RGS11: variants seen among roughly 807,000 people sequenced by gnomAD.
The protein encoded by RGS11 is regulator of G protein signaling 11.
A neutral mutation model predicts 71.1 loss-of-function variants in RGS11; 86 were observed. That is an observed-to-expected ratio of 1.21 (90% CI 1.02 to 1.45). The LOEUF (loss-of-function observed/expected upper bound fraction) is 1.45, where lower values mean the gene tolerates loss of function less well. RGS11 is among the 40% of genes most tolerant of loss of function. The probability of loss-of-function intolerance (pLI) is 0.00; values close to 1 mark genes in which losing one functional copy is unlikely to be tolerated. For synonymous variants in RGS11, 298 were observed against 254.2 expected, an observed-to-expected ratio of 1.17 and a Z score of -1.64; for missense variants, 734 against 635.1, an observed-to-expected ratio of 1.16 and a Z score of -1.67.
In RGS11 at chr16:268,699, G is replaced by A. The variant is rs1385283321; in HGVS notation, c.*570C>T. ...CAAATTCTGGAACGCGTTTGGCGAGGGAGGAATAGGCGCAGCTCCGGAAGG... is the reference window on the plus strand; with the variant it reads ...CAAATTCTGGAACGCGTTTGGCGAGAGAGGAATAGGCGCAGCTCCGGAAGG... On this transcript the variant is annotated 3_prime_UTR_variant, in exon 17 of 17. Transcript: ENST00000397770. 6.9e-7 allele frequency: 1 copy of A among 1,457,752 alleles called. No homozygotes were observed. The highest frequency in any genetic ancestry group is 9.3e-7 in the Non-Finnish European group (1 of 1,074,598). The allele number at this position is 1,457,752 out of a possible 1,614,324, so 90.3% of individuals were successfully genotyped here. A position where few individuals can be genotyped will look rare whatever the true frequency, so the allele number is the denominator to read the frequency against.
At position 271,562 on chromosome 16, in the gene RGS11, C is replaced by G; in HGVS notation, c.665G>C (p.Ser222Thr). 1 of 1,613,802 alleles carries G rather than the reference C, an allele frequency of 6.2e-7. No individual in the cohort carries two copies. The highest frequency in any genetic ancestry group is 8.5e-7 in the Non-Finnish European group (1 of 1,180,022). The change falls in exon 10 of 17, where the codon AGT becomes ACT. Residue 222 changes from serine to threonine, a missense_variant. Ser to Thr is a moderately conservative substitution (Grantham distance 58, BLOSUM62 1). Coordinates refer to ENST00000397770, the MANE Select transcript of RGS11 (RefSeq NM_183337.3). Reference protein sequence around the residue: ...CAASRVLMTKSADFHKREIEY... With the variant: ...CAASRVLMTKTADFHKREIEY... ...TACCTCCCGCTTATGGAAATCTGCA[C>G]TCTTGGTCTAGAAGGGGATAGGTGG... is the stretch of plus-strand genomic sequence containing the variant.
At chr16:271,834 T>G in intron 9 of RGS11, 1 of 553,998 alleles carries the variant, frequency 1.8e-6, no homozygotes. Context: ...ATATGTCATT[T>G]TTTTTTCTTT....
Position 272,856 on chromosome 16 carries a change from G to C in RGS11, c.657+7C>G, listed in dbSNP as rs543824763. The C allele has an allele frequency of 5.8e-6, 9 of 1,542,492 alleles. No individual in the cohort carries two copies. The Admixed American group carries it at 1.6e-4, about 27-fold the overall frequency. On this transcript the variant is annotated splice_region_variant and intron_variant, in intron 9 of 16. Coordinates refer to ENST00000397770, the MANE Select transcript of RGS11 (RefSeq NM_183337.3). ...AGAGGGCGGCCAGCACGCACGCAGG[G>C]GCTCACCATGAGCACACGGCTGGCA... is the stretch of plus-strand genomic sequence containing the variant.
chr16:269,275 CA>C lies in RGS11; in HGVS notation c.1397del (p.Val466GlyfsTer20), dbSNP rs756385518. 28 of 1,565,392 alleles carry C rather than the reference CA, an allele frequency of 1.8e-5. No individual in the cohort carries two copies. The South Asian group carries it at 2.5e-4, about 14-fold the overall frequency. On this transcript the variant is annotated frameshift_variant, in exon 17 of 17. Coordinates refer to ENST00000397770, the MANE Select transcript of RGS11 (RefSeq NM_183337.3). LOFTEE classifies it high-confidence loss of function. ...AACGPGGGDG[V>X]A ...GGCAGATGGGCCAGGTCCACTAGGC[CA>C]CCCCATCTCCACCCCCAGGGCCACA...
rs1292913501 is a variant in RGS11 at position 270,667 on chromosome 16, G to A, written c.1068-6C>T. ...CTCCGGGGGCCAGGAACTGCCTAGG[G>A]GTGGGGACAGCACTGGGTAGTCTCG... On this transcript the variant is annotated splice_region_variant and splice_polypyrimidine_tract_variant and intron_variant, in intron 14 of 16. Coordinates refer to ENST00000397770, the MANE Select transcript of RGS11 (RefSeq NM_183337.3). 1.9e-6 allele frequency: 3 copies of A among 1,610,102 alleles called. No individual in the cohort carries two copies. The highest frequency in any genetic ancestry group is 2.5e-6 in the Non-Finnish European group (3 of 1,178,966).
chr16:272,921 G>T lies in RGS11; in HGVS notation c.599C>A (p.Pro200His). The T allele has an allele frequency of 6.6e-7, 1 of 1,518,482 alleles. No homozygotes were observed. Among genetic ancestry groups the T allele is most frequent in the Non-Finnish European group, 8.9e-7 (1 of 1,128,500 alleles). The allele number at this position is 1,518,482 out of a possible 1,614,324, so 94.1% of individuals were successfully genotyped here. The change falls in exon 9 of 17, where the codon CCC becomes CAC. Residue 200 changes from proline (P) to histidine (H), a missense_variant. Pro to His is a moderately conservative substitution (Grantham distance 77). Coordinates refer to ENST00000397770, the MANE Select transcript of RGS11 (RefSeq NM_183337.3). ...WLVNRPPPGAPDVLEQGPGRG... is the reference protein window; with the variant it reads ...WLVNRPPPGAHDVLEQGPGRG... ...CCCTGGACCCTGCTCCAGCACATCG[G>T]GGGCCCCGGGCTGCGGAGGGGAGAC... is the stretch of plus-strand genomic sequence containing the variant.
At chr16:271,675 T>A in intron 9 of RGS11, 106 bp from the exon 10 acceptor site, 1 of 1,107,344 alleles carries the variant, frequency 9.0e-7, no homozygotes, top group Non-Finnish European at 1.4e-6. Flanking sequence ...CCCATAGATC[T>A]GGCAGAGATG....
At chr16:275,642 C>G (rs2052140865) in intron 1 of RGS11, 144 bp from the exon 2 acceptor site, 2 of 658,178 alleles carry the variant, frequency 3.0e-6, no homozygotes, top group East Asian at 3.7e-5. Context: ...GGCGGGGACG[C>G]GGGGCGGGCC....
intron 4 of RGS11, chr16:274,660 C>A (rs1337361518): frequency 3.0e-6 from 2 of 660,006 alleles, no homozygotes; most frequent in African/African-American, 3.5e-5. Flanking sequence ...CCTTCACAGC[C>A]CCTCCCTCAG....
intron 15 of RGS11, chr16:269,881 C>T (rs2051840992): frequency 5.6e-6 from 2 of 355,230 alleles, no homozygotes; most frequent in African/African-American, 2.1e-5. Context: ...GGAATGGCTC[C>T]GTGTGCCCCA....
rs746430045 is a variant in RGS11 at position 271,077 on chromosome 16, G to A, written c.886C>T (p.Arg296Cys). Reference protein sequence around the residue: ...APTVAAPTKLRVERWGFSFRE... With the variant: ...APTVAAPTKLCVERWGFSFRE... ...AAGCTGAAGCCCCATCTCTCCACAC[G>A]GAGCTTCGTGGGGGCAGCCACCCTG... Residue 296 changes from arginine (R) to cysteine (C), a missense_variant, in exon 13 of 17, where the codon CGT (arginine) becomes TGT (cysteine). Transcript: ENST00000397770. 2.1e-5 allele frequency: 34 copies of A among 1,612,252 alleles called. No homozygotes were observed. Among genetic ancestry groups the A allele is most frequent in the Middle Eastern group, 1.7e-4 (1 of 6,060 alleles).
intron 1 of RGS11, 43 bp downstream of exon 1, chr16:275,806 G>C: frequency 1.2e-6 from 1 of 863,546 alleles, no homozygotes. Context: ...GGCCTCGGGC[G>C]CCGGGAAATC....
chr16:275,283 C>A lies in RGS11; in HGVS notation c.211G>T (p.Glu71Ter). ...LAQKFCVSEE[E>*]ALHLGAVLVQ... Reference sequence around the variant, plus strand: ...GCCCAGTGGGAGGCAGGGCGCTCACCCTCCTCCGAGACGCAGAACTTCTGG... The same window carrying A: ...GCCCAGTGGGAGGCAGGGCGCTCACACTCCTCCGAGACGCAGAACTTCTGG... The change falls in exon 3 of 17, where the codon GAG becomes TAG. Residue 71 changes from glutamate to a stop codon, truncating the protein, a stop_gained and splice_region_variant. Transcript: ENST00000397770. LOFTEE classifies it high-confidence loss of function. 1.9e-6 allele frequency: 3 copies of A among 1,612,584 alleles called. No individual in the cohort carries two copies. Among genetic ancestry groups the A allele is most frequent in the Non-Finnish European group, 2.5e-6 (3 of 1,179,852 alleles).
rs1425793133 is a variant in RGS11, at chr16:269,241, G to A, written c.*28C>T. On this transcript the variant is annotated 3_prime_UTR_variant, in exon 17 of 17. Coordinates refer to ENST00000397770, the MANE Select transcript of RGS11 (RefSeq NM_183337.3). ...TTCACGCAGGACGTTGAGCTGCAGG[G>A]ACTAGAGTGGCAGATGGGCCAGGTC... 1.4e-6 allele frequency: 2 copies of A among 1,448,464 alleles called. No individual in the cohort carries two copies. Among genetic ancestry groups the A allele is most frequent in the East Asian group, 2.4e-5 (1 of 41,246 alleles). 89.7% of individuals were successfully genotyped at this position (1,448,464 alleles called of 1,614,324 possible). A position where few individuals can be genotyped will look rare whatever the true frequency, so the allele number is the denominator to read the frequency against.
intron 8 of RGS11, 151 bp from the exon 9 acceptor site, chr16:273,082 T>G: frequency 2.7e-6 from 2 of 748,630 alleles, no homozygotes; most frequent in East Asian, 5.8e-5. Flanking sequence ...GTCTCTTCTC[T>G]GCTCACCACC....
chr16:270,334 C>T (rs1179450591), intron 15 of RGS11, among the ~76,000 whole-genome samples, 189 bp downstream of exon 15: 1 of 152,222 alleles, frequency 6.6e-6, no homozygotes, highest in Non-Finnish European at 1.5e-5. Context: ...CTGTCTGAAC[C>T]CGGAGTGGGC....
At position 269,160 on chromosome 16, in the gene RGS11, T is replaced by G. The variant is rs2051799700; in HGVS notation, c.*109A>C. 1.0e-6 allele frequency: 1 copy of G among 962,444 alleles called. No individual in the cohort carries two copies. The highest frequency in any genetic ancestry group is 1.6e-5 in the African/African-American group (1 of 61,698). The allele number at this position is 962,444 out of a possible 1,614,324, so 59.6% of individuals were successfully genotyped here. On this transcript the variant is annotated 3_prime_UTR_variant, in exon 17 of 17. Transcript: ENST00000397770. Reference sequence around the variant, plus strand: ...GGGCCCCCTGGGCACAAGGGGACACTGGTGCTGGGTTCAGCAGCCCCCAGG... The same window carrying G: ...GGGCCCCCTGGGCACAAGGGGACACGGGTGCTGGGTTCAGCAGCCCCCAGG...
intron 4 of RGS11, 90 bp from the exon 5 acceptor site, chr16:274,355 C>A: frequency 7.0e-7 from 1 of 1,422,428 alleles, no homozygotes; most frequent in Non-Finnish European, 9.6e-7. Context: ...GGGAAGAAGC[C>A]TGGGCTGGGC....
At chr16:271,120 T>C (rs759259320) in intron 12 of RGS11, 21 bp from the exon 13 acceptor site, 1 of 1,606,628 alleles carries the variant, frequency 6.2e-7, no homozygotes, top group East Asian at 2.2e-5. Context: ...GGCAGGGCTG[T>C]TGGGGAGGGT....
Sources: allele counts gnomAD v4.1 joint callset (sites outside exome capture counted in the v4.1 genomes callset), GRCh38; gene constraint gnomAD v4.1.1; transcripts MANE v1.5; gene names NCBI Gene and HGNC (gene_info 2026-07-23, HGNC 2026-07-21).